The following APP variants were observed in gnomAD, a reference collection of about 807,000 sequenced individuals.
APP encodes the protein amyloid-beta precursor protein.
Under a neutral mutation model 101.4 loss-of-function variants are expected in APP, and 31 were observed. The ratio of observed to expected loss-of-function variants is 0.31; its 90% CI spans 0.23 to 0.41. The LOEUF (loss-of-function observed/expected upper bound fraction) is 0.41. Ranked by LOEUF, APP falls within the 10% of genes least tolerant of loss-of-function variation. The pLI, the probability that APP is intolerant of heterozygous loss-of-function variation, is 1.00. For synonymous variants in APP, 366 were observed against 364.4 expected, an observed-to-expected ratio of 1.00 and a Z score of -0.05; for missense variants, 839 against 1,003.7, an observed-to-expected ratio of 0.84 and a Z score of 2.22.
chr21:26,081,381 G>C (rs1293773450), intron 3 of APP, among the ~76,000 whole-genome samples: 2 of 150,280 alleles, frequency 1.3e-5, no homozygotes, highest in African/African-American at 4.9e-5. Context: ...TGCAGTCAAA[G>C]GGGGTTGTTC....
At chr21:25,904,436 C>T (rs1450350836) in intron 15 of APP, among the ~76,000 whole-genome samples, 1 of 152,254 alleles carries the variant, frequency 6.6e-6, no homozygotes, top group East Asian at 1.9e-4. Context: ...TATGCATCCA[C>T]ATCTGTTGTG....
chr21:26,170,909 C>T (rs1051800179), upstream of APP: 4 of 240,182 alleles, frequency 1.7e-5, no homozygotes, highest in Non-Finnish European at 2.7e-5. Context: ...CCTCGCGCCC[C>T]GCGCCCACAG....
At chr21:26,029,757 G>C (rs2044739074) in intron 5 of APP, among the ~76,000 whole-genome samples, 1 of 152,112 alleles carries the variant, frequency 6.6e-6, no homozygotes, top group Non-Finnish European at 1.5e-5. Context: ...GTGAGCTAAG[G>C]GTGGGCTTTG....
At chr21:25,904,976 A>T (rs191673387) in intron 15 of APP, 48 bp downstream of exon 15, 2 of 1,549,504 alleles carry the variant, frequency 1.3e-6, no homozygotes, top group Non-Finnish European at 1.8e-6. Flanking sequence ...CGTCTGCTCG[A>T]GCTTAGGCCC....
At position 25,911,783 on chromosome 21, in the gene APP, A is replaced by C; in HGVS notation, c.1867T>G (p.Ser623Ala). The C allele has an allele frequency of 1.9e-6, 3 of 1,614,114 alleles. No homozygotes were observed. The South Asian group carries it at 3.3e-5, about 18-fold the overall frequency. Reference sequence around the variant, plus strand: ...GCTGGCACAGAGTCAGCCCCAAAAGAATGCCACGGCTGGAGATCGTCCAGG... The same window carrying C: ...GCTGGCACAGAGTCAGCCCCAAAAGCATGCCACGGCTGGAGATCGTCCAGG... ...FSLDDLQPWH[S>A]FGADSVPANT... is the part of the protein sequence containing the mutation. Residue 623 changes from serine to alanine, a missense_variant, in exon 14 of 18, where the codon TCT becomes GCT. Coordinates refer to ENST00000346798, the MANE Select transcript of APP (RefSeq NM_000484.4).
intron 14 of APP, among the ~76,000 whole-genome samples, chr21:25,910,412 G>C (rs764660890): frequency 6.6e-6 from 1 of 152,172 alleles, no homozygotes; most frequent in Non-Finnish European, 1.5e-5. Flanking sequence ...TTACAGGCGT[G>C]ACCCACGATG....
intron 11 of APP, among the ~76,000 whole-genome samples, chr21:25,970,813 C>T (rs373189690): frequency 1.1e-4 from 16 of 152,232 alleles, no homozygotes; most frequent in South Asian, 6.2e-4. Flanking sequence ...TAGTATCTTA[C>T]GTCTTGGAAG....
chr21:26,039,493 T>C (rs2045277167), intron 5 of APP, among the ~76,000 whole-genome samples: 1 of 152,244 alleles, frequency 6.6e-6, no homozygotes, highest in African/African-American at 2.4e-5. Context: ...TGCTATGCTA[T>C]AAAGATTATT....
At chr21:26,116,701 C>T (rs1243281113) in intron 1 of APP, among the ~76,000 whole-genome samples, 1 of 152,136 alleles carries the variant, frequency 6.6e-6, no homozygotes, top group Middle Eastern at 3.2e-3. Flanking sequence ...GGAGAGGGCA[C>T]AGATCCATAG....
intron 13 of APP, among the ~76,000 whole-genome samples, chr21:25,913,680 G>T (rs1209821631): frequency 1.3e-5 from 2 of 152,174 alleles, no homozygotes; most frequent in Non-Finnish European, 2.9e-5. Flanking sequence ...CTGTTCTTGG[G>T]TCTGTGGTAT....
chr21:25,882,809 G>A (rs2829967), intron 17 of APP, among the ~76,000 whole-genome samples: 1 of 152,034 alleles, frequency 6.6e-6, no homozygotes, highest in Non-Finnish European at 1.5e-5. Context: ...ATGTACCATA[G>A]AGAAGATATT....
rs938709047 is a variant in APP at position 26,008,746 on chromosome 21, T to G, written c.866-8564A>C. 2.6e-5 allele frequency among the ~76,000 whole-genome samples: 4 copies of G among 152,336 alleles called. 1 individual carries two copies. In the South Asian group the frequency reaches 8.3e-4, roughly 32 times the overall value. Reference sequence around the variant, plus strand: ...GGGAGACTGTAAGAGTTTTTCGGTTTCCTTGGTCTTGAGGTGTGAATTTAA... The same window carrying G: ...GGGAGACTGTAAGAGTTTTTCGGTTGCCTTGGTCTTGAGGTGTGAATTTAA... On this transcript the variant is annotated intron_variant, in intron 6 of 17. Coordinates refer to ENST00000346798, the MANE Select transcript of APP (RefSeq NM_000484.4).
rs115127314 is a variant in APP, at chr21:26,047,054, A to G, written c.662+3946T>C. On this transcript the variant is annotated intron_variant, in intron 5 of 17. Transcript: ENST00000346798. ...GAGGTGATCTGAGAATATGACCATT[A>G]CAACACTGGAGAAAAATATACTCGG... Among the ~76,000 whole-genome samples the G allele has an allele frequency of 5.5e-3, 831 of 152,324 alleles. 9 individuals are homozygous for G. Among genetic ancestry groups the G allele is most frequent in the African/African-American group, 0.019 (793 of 41,566 alleles).
At chr21:25,892,307 T>C (rs539923518) in intron 16 of APP, among the ~76,000 whole-genome samples, 1 of 152,170 alleles carries the variant, frequency 6.6e-6, no homozygotes, top group Admixed American at 6.5e-5. Flanking sequence ...TTCCTAGTCA[T>C]AGCACTCTGA....
At position 25,901,318 on chromosome 21, in the gene APP, A is replaced by C. The variant is rs993827838; in HGVS notation, c.1964-3645T>G. ...TTTTAAAAAAAAAAAAAAAAAAAAA[A>C]CAAAACCAAGAGCTCTCCACTAAAA... On this transcript the variant is annotated intron_variant, in intron 15 of 17. Coordinates refer to ENST00000346798, the MANE Select transcript of APP (RefSeq NM_000484.4). Among the ~76,000 whole-genome samples the C allele has an allele frequency of 1.1e-3, 99 of 89,798 alleles. 1 individual carries two copies. Among genetic ancestry groups the C allele is most frequent in the African/African-American group, 2.7e-3 (93 of 34,012 alleles). 58.9% of individuals were successfully genotyped at this position (89,798 alleles called of 152,430 possible). A position where few individuals can be genotyped will look rare whatever the true frequency, so the allele number is the denominator to read the frequency against.
At chr21:25,932,515 G>C (rs147023130) in intron 13 of APP, among the ~76,000 whole-genome samples, 3 of 152,048 alleles carry the variant, frequency 2.0e-5, no homozygotes, top group Admixed American at 6.6e-5. Flanking sequence ...GGCCTCATAC[G>C]AGAGGATCTC....
intron 1 of APP, among the ~76,000 whole-genome samples, chr21:26,156,648 T>C (rs1361071828): frequency 6.6e-6 from 1 of 152,186 alleles, no homozygotes; most frequent in Admixed American, 6.5e-5. Context: ...CCAGTTATGA[T>C]AGCTCAAATA....
chr21:25,906,220 A>C (rs1340250617), intron 14 of APP, among the ~76,000 whole-genome samples: 1 of 152,274 alleles, frequency 6.6e-6, no homozygotes, highest in African/African-American at 2.4e-5. Context: ...TCTCCAAAAT[A>C]TAAGAAAATA....
chr21:26,159,108 A>C (rs2063432935), intron 1 of APP, among the ~76,000 whole-genome samples: 1 of 151,528 alleles, frequency 6.6e-6, no homozygotes, highest in Non-Finnish European at 1.5e-5. Context: ...TTTGAGACGG[A>C]GTCTCGCTCT....
Sources: gnomAD v4.1 joint callset for allele counts (sites outside exome capture counted in the v4.1 genomes callset) on GRCh38, gnomAD v4.1.1 for gene constraint, MANE v1.5 for transcripts, NCBI Gene and HGNC (gene_info 2026-07-23, HGNC 2026-07-21) for gene names.